Variants in ASTN2 observed in about 807,000 individuals in gnomAD.
ASTN2 encodes astrotactin-2.
A neutral mutation model predicts 139.8 loss-of-function variants in ASTN2; 54 were observed. That is an observed-to-expected ratio of 0.39 (90% CI 0.31 to 0.48). The LOEUF is 0.48. Ranked by LOEUF, ASTN2 falls within the 20% of genes least tolerant of loss-of-function variation. The pLI, the probability that ASTN2 is intolerant of heterozygous loss-of-function variation, is 0.95. For synonymous variants in ASTN2, 756 were observed against 719.5 expected, an observed-to-expected ratio of 1.05 and a Z score of -0.81; for missense variants, 1,565 against 1,725.1, an observed-to-expected ratio of 0.91 and a Z score of 1.64.
In ASTN2 at chr9:116,670,828, A is replaced by G. The variant is rs1417407788; in HGVS notation, c.2807-19035T>C. Among the ~76,000 whole-genome samples the G allele has an allele frequency of 3.3e-5, 5 of 152,090 alleles. No individual in the cohort carries two copies. The East Asian group carries it at 9.6e-4, about 29-fold the overall frequency. On this transcript the variant is annotated intron_variant, in intron 16 of 22. Transcript: ENST00000313400. ...TAGGGAATCTTCTCTTGGCAATAAC[A>G]TTATTATTATTATTTCTGACCTTTG...
At chr9:117,328,217 C>A (rs1436789351) in intron 1 of ASTN2, among the ~76,000 whole-genome samples, 1 of 152,128 alleles carries the variant, frequency 6.6e-6, no homozygotes, top group Non-Finnish European at 1.5e-5. Flanking sequence ...GAAGGTCATC[C>A]ATGAAATTGA....
chr9:116,513,231 A>G (rs952500564), intron 19 of ASTN2, among the ~76,000 whole-genome samples: 17 of 152,106 alleles, frequency 1.1e-4, no homozygotes, highest in Non-Finnish European at 2.1e-4. Flanking sequence ...GCTTGTCTAT[A>G]AAGGATTTTA....
chr9:117,165,517 G>C (rs10759905), intron 3 of ASTN2, among the ~76,000 whole-genome samples: 66,560 of 151,768 alleles, frequency 0.44, 14,649 homozygotes, highest in African/African-American at 0.46. Flanking sequence ...TCCTGATACT[G>C]TCTTCATGGA....
intron 19 of ASTN2, among the ~76,000 whole-genome samples, chr9:116,492,656 T>C (rs1331882614): frequency 1.3e-5 from 2 of 152,106 alleles, no homozygotes; most frequent in Non-Finnish European, 2.9e-5. Context: ...GAGCCCTTCC[T>C]CCCCAATTTC....
At chr9:116,512,252 G>A (rs1345416420) in intron 19 of ASTN2, among the ~76,000 whole-genome samples, 1 of 152,064 alleles carries the variant, frequency 6.6e-6, no homozygotes, top group Non-Finnish European at 1.5e-5. Context: ...CCTTCATTTC[G>A]TTATGTACCC....
At chr9:116,700,131 A>C in intron 16 of ASTN2, 1 of 245,070 alleles carries the variant, frequency 4.1e-6, no homozygotes. Context: ...TTTCTCTTGA[A>C]CTCTGATTGG....
chr9:117,035,139 G>A (rs1588498908), intron 6 of ASTN2, among the ~76,000 whole-genome samples: 1 of 152,190 alleles, frequency 6.6e-6, no homozygotes, highest in Non-Finnish European at 1.5e-5. Context: ...GAACTCATGG[G>A]GGTGACTGAA....
chr9:116,910,455 T>C (rs1834279890), intron 10 of ASTN2, among the ~76,000 whole-genome samples: 1 of 152,164 alleles, frequency 6.6e-6, no homozygotes, highest in Non-Finnish European at 1.5e-5. Context: ...TTTCCAGACA[T>C]CGCCCACCAC....
At chr9:117,119,687 A>T (rs1274478795) in intron 4 of ASTN2, among the ~76,000 whole-genome samples, 1 of 152,080 alleles carries the variant, frequency 6.6e-6, no homozygotes, top group Non-Finnish European at 1.5e-5. Context: ...TTTTTACATT[A>T]TTTGAAATAT....
chr9:116,893,624 C>T (rs570075788), intron 10 of ASTN2, among the ~76,000 whole-genome samples: 13 of 152,188 alleles, frequency 8.5e-5, no homozygotes, highest in Admixed American at 8.5e-4. Context: ...CTGGTAGGTG[C>T]CTGCATGGAG....
At chr9:117,206,805 G>A (rs900234978) in intron 3 of ASTN2, among the ~76,000 whole-genome samples, 4 of 152,112 alleles carry the variant, frequency 2.6e-5, no homozygotes, top group Non-Finnish European at 4.4e-5. Context: ...AGTGGGAGAA[G>A]CCTCTGAGCC....
At chr9:116,981,933 T>C (rs1836522551) in intron 7 of ASTN2, among the ~76,000 whole-genome samples, 1 of 152,222 alleles carries the variant, frequency 6.6e-6, no homozygotes, top group Non-Finnish European at 1.5e-5. Flanking sequence ...TTATCAGCAG[T>C]AGATGAGTTG....
intron 3 of ASTN2, among the ~76,000 whole-genome samples, chr9:117,188,778 GC>G: frequency 6.6e-6 from 1 of 152,174 alleles, no homozygotes; most frequent in Non-Finnish European, 1.5e-5. Context: ...ACTTGGAAAT[GC>G]CAAGGAATAA....
At chr9:117,286,881 C>T (rs1231666270) in intron 2 of ASTN2, among the ~76,000 whole-genome samples, 2 of 152,202 alleles carry the variant, frequency 1.3e-5, no homozygotes, top group Non-Finnish European at 2.9e-5. Context: ...TGAGCACTTA[C>T]AGAATGTCAG....
chr9:116,828,888 C>A (rs1053701482), intron 11 of ASTN2, among the ~76,000 whole-genome samples: 1 of 151,738 alleles, frequency 6.6e-6, no homozygotes, highest in Non-Finnish European at 1.5e-5. Flanking sequence ...AGCTGAGAAC[C>A]AAATTAAGAA....
At chr9:116,512,627 A>G (rs7857483) in intron 19 of ASTN2, among the ~76,000 whole-genome samples, 86,469 of 151,874 alleles carry the variant, frequency 0.57, 25,519 homozygotes, top group African/African-American at 0.73. Flanking sequence ...CTATTATTAT[A>G]TGGGAGTCTA....
chr9:116,525,004 C>G (rs1336997722), intron 19 of ASTN2, among the ~76,000 whole-genome samples: 1 of 152,122 alleles, frequency 6.6e-6, no homozygotes. Context: ...TTGGAGGGCA[C>G]AGAAGAAGAC....
Position 116,425,423 on chromosome 9 carries a change from G to T in ASTN2, c.*428C>A. On this transcript the variant is annotated 3_prime_UTR_variant, in exon 23 of 23. Transcript: ENST00000313400. ...TCCTGGTGCTGAAGAGGTCAAAACT[G>T]TCTCCTCTAGGGGTCAGGTCAAAAC... 1 of 751,950 alleles carries T rather than the reference G, an allele frequency of 1.3e-6. No individual in the cohort carries two copies. The highest frequency in any genetic ancestry group is 2.2e-6 in the Non-Finnish European group (1 of 446,370). The allele number at this position is 751,950 out of a possible 1,614,324, so 46.6% of individuals were successfully genotyped here. A position where few individuals can be genotyped will look rare whatever the true frequency, so the allele number is the denominator to read the frequency against.
intron 4 of ASTN2, among the ~76,000 whole-genome samples, chr9:117,110,915 C>A (rs1829233061): frequency 6.6e-6 from 1 of 152,164 alleles, no homozygotes; most frequent in Non-Finnish European, 1.5e-5. Context: ...AAAGGAGAGA[C>A]TCAGAGAAGG....
Sources: gnomAD v4.1 joint callset for allele counts (sites outside exome capture counted in the v4.1 genomes callset) on GRCh38, gnomAD v4.1.1 for gene constraint, MANE v1.5 for transcripts, NCBI Gene and HGNC (gene_info 2026-07-23, HGNC 2026-07-21) for gene names.